ZBTB7C: variants seen among roughly 807,000 people sequenced by gnomAD.
ZBTB7C encodes zinc finger and BTB domain containing 7C.
A neutral mutation model predicts 25.7 loss-of-function variants in ZBTB7C; 8 were observed. The observed-to-expected ratio is 0.31, with a 90% confidence interval of 0.18 to 0.56. ZBTB7C has a LOEUF of 0.56. ZBTB7C is among the 20% of genes least tolerant of loss of function. The probability of loss-of-function intolerance (pLI) is 0.91; values close to 1 mark genes in which losing one functional copy is unlikely to be tolerated. For synonymous variants in ZBTB7C, 394 were observed against 369.0 expected (o/e 1.07, Z -0.78); for missense variants, 824 against 855.2 (o/e 0.96, Z 0.46).
rs1491198357 is a variant in ZBTB7C at position 48,027,106 on chromosome 18, T to TC, written c.*2153dup. The TC allele has an allele frequency of 5.0e-5, 4 of 80,344 alleles. No homozygotes were observed. The highest frequency in any genetic ancestry group is 2.3e-4 in the African/African-American group (4 of 17,660). The allele number at this position is 80,344 out of a possible 1,614,324, so 5.0% of individuals were successfully genotyped here. A position where few individuals can be genotyped will look rare whatever the true frequency, so the allele number is the denominator to read the frequency against. On this transcript the variant is annotated 3_prime_UTR_variant, in exon 5 of 5. Transcript: ENST00000590800. ...ACAGACAGACAGGGAAATTGAAACA[T>TC]CAAAAAAAAAAAAAAATTGAAGCAA... is the stretch of plus-strand genomic sequence containing the variant.
chr18:48,029,643 A>G lies in ZBTB7C; in HGVS notation c.1477T>C (p.Phe493Leu), dbSNP rs772077567. Reference sequence around the variant, plus strand: ...TCGGGGGCCGGGCCGCCGGGCCCGAAGAGCAGGCTGGCGGCCCTCCACGCA... The same window carrying G: ...TCGGGGGCCGGGCCGCCGGGCCCGAGGAGCAGGCTGGCGGCCCTCCACGCA... ...PAAWRAASLL[F>L]GPGGPAPDKA... Residue 493 changes from phenylalanine (F) to leucine (L), a missense_variant, in exon 5 of 5, where the codon TTC becomes CTC. Phe to Leu is a conservative substitution (Grantham distance 22). Around this residue, in one of 4 missense-constraint regions of ZBTB7C, gnomAD observed 342 missense variants for 307.0 expected, o/e 1.11. Transcript: ENST00000590800. 3 of 1,534,636 alleles carry G rather than the reference A, an allele frequency of 2.0e-6. No homozygotes were observed. Among genetic ancestry groups the G allele is most frequent in the Non-Finnish European group, 2.6e-6 (3 of 1,149,168 alleles).
chr18:48,072,796 C>T (rs887430344), intron 3 of ZBTB7C, among the ~76,000 whole-genome samples: 3 of 152,192 alleles, frequency 2.0e-5, no homozygotes, highest in Non-Finnish European at 2.9e-5. Context: ...AGGAGGCAGC[C>T]GGCACTGCTG....
At chr18:48,136,681 A>G (rs1439314266) in intron 3 of ZBTB7C, among the ~76,000 whole-genome samples, 1 of 152,038 alleles carries the variant, frequency 6.6e-6, no homozygotes, top group Non-Finnish European at 1.5e-5. Context: ...GGCCGGCGGC[A>G]ATGGGGCAGT....
chr18:48,384,598 T>A (rs544777017), intron 1 of ZBTB7C, among the ~76,000 whole-genome samples: 24 of 152,354 alleles, frequency 1.6e-4, no homozygotes, highest in Admixed American at 1.6e-3. Context: ...CTACACAAAT[T>A]CGTAAACTTT....
At chr18:48,371,157 A>C (rs187594414) in intron 1 of ZBTB7C, among the ~76,000 whole-genome samples, 119 of 152,260 alleles carry the variant, frequency 7.8e-4, no homozygotes, top group African/African-American at 2.8e-3. Context: ...GAGAGGAGGA[A>C]GCCTACACTC....
chr18:48,251,745 G>A (rs995239053), intron 2 of ZBTB7C, among the ~76,000 whole-genome samples: 2 of 152,174 alleles, frequency 1.3e-5, no homozygotes, highest in African/African-American at 4.8e-5. Flanking sequence ...CTATGCAAAC[G>A]TCACACCTGC....
chr18:48,397,172 A>G (rs1369438693), intron 1 of ZBTB7C, among the ~76,000 whole-genome samples: 1 of 152,220 alleles, frequency 6.6e-6, no homozygotes, highest in Non-Finnish European at 1.5e-5. Context: ...CATTTCCCAA[A>G]GCATATTGAG....
intron 2 of ZBTB7C, among the ~76,000 whole-genome samples, chr18:48,319,725 C>A (rs576083132): frequency 6.6e-6 from 1 of 152,150 alleles, no homozygotes; most frequent in Non-Finnish European, 1.5e-5. Context: ...AGGCATTTGT[C>A]CAATCTTAGC....
At chr18:48,074,889 A>C (rs1422821190) in intron 3 of ZBTB7C, among the ~76,000 whole-genome samples, 1 of 152,212 alleles carries the variant, frequency 6.6e-6, no homozygotes, top group African/African-American at 2.4e-5. Context: ...GGTCCTCTCC[A>C]TTCAGTGATG....
At chr18:48,346,450 A>C (rs1386982835) in intron 1 of ZBTB7C, 1 of 152,314 alleles carries the variant, frequency 6.6e-6, no homozygotes, top group East Asian at 1.9e-4. Flanking sequence ...GGGTTCCCCC[A>C]AGGCTGGGCA....
intron 3 of ZBTB7C, among the ~76,000 whole-genome samples, chr18:48,129,114 C>T (rs892621717): frequency 4.0e-5 from 6 of 151,698 alleles, no homozygotes; most frequent in Non-Finnish European, 8.8e-5. Context: ...CGGGTCTCAG[C>T]GGGTGGGGAG....
chr18:48,360,599 G>A (rs2047082297), intron 1 of ZBTB7C, among the ~76,000 whole-genome samples: 1 of 152,190 alleles, frequency 6.6e-6, no homozygotes, highest in Non-Finnish European at 1.5e-5. Context: ...AACACGGTAA[G>A]GGGCTGATGA....
intron 3 of ZBTB7C, among the ~76,000 whole-genome samples, chr18:48,162,765 T>A (rs2041109928): frequency 1.3e-5 from 2 of 152,172 alleles, no homozygotes; most frequent in South Asian, 4.1e-4. Context: ...TTCAATGAGA[T>A]AATGTACAGG....
At chr18:48,386,501 G>A (rs1264940050) in intron 1 of ZBTB7C, among the ~76,000 whole-genome samples, 1 of 152,236 alleles carries the variant, frequency 6.6e-6, no homozygotes, top group Non-Finnish European at 1.5e-5. Context: ...CTAAGCTGAA[G>A]AGACTGGGTT....
chr18:48,319,018 A>C (rs1169111306), intron 2 of ZBTB7C, among the ~76,000 whole-genome samples: 2 of 152,208 alleles, frequency 1.3e-5, no homozygotes, highest in Admixed American at 6.5e-5. Context: ...GGGAGACAGA[A>C]GGATCTTAGC....
intron 2 of ZBTB7C, among the ~76,000 whole-genome samples, chr18:48,301,933 C>T (rs751358426): frequency 2.5e-4 from 38 of 152,156 alleles, no homozygotes; most frequent in Non-Finnish European, 4.6e-4. Flanking sequence ...GGACAGACCT[C>T]AGGGACATAA....
At chr18:48,397,518 C>A (rs1227598506) in intron 1 of ZBTB7C, among the ~76,000 whole-genome samples, 3 of 152,144 alleles carry the variant, frequency 2.0e-5, no homozygotes, top group African/African-American at 4.8e-5. Context: ...ACATTCCAAG[C>A]CTCAGTTCAT....
At chr18:48,097,658 A>G (rs558795112) in intron 3 of ZBTB7C, among the ~76,000 whole-genome samples, 6 of 152,232 alleles carry the variant, frequency 3.9e-5, no homozygotes, top group African/African-American at 1.2e-4. Flanking sequence ...TGGCCTCCCA[A>G]AGTGCTGGGA....
chr18:48,038,547 CTT>C (rs200367018), intron 4 of ZBTB7C, among the ~76,000 whole-genome samples: 21 of 132,186 alleles, frequency 1.6e-4, no homozygotes, highest in African/African-American at 1.4e-4. Context: ...GAGGACTCAT[CTT>C]TTTTTTTTTT....
Sources: allele counts gnomAD v4.1 joint callset (sites outside exome capture counted in the v4.1 genomes callset), GRCh38; gene constraint gnomAD v4.1.1; regional missense constraint gnomAD v4.1.1; transcripts MANE v1.5; gene names NCBI Gene and HGNC (gene_info 2026-07-23, HGNC 2026-07-21).